Variants in CT55 observed in about 807,000 individuals in gnomAD.
The protein encoded by CT55 is cancer/testis antigen 55.
Under a neutral mutation model 12.6 loss-of-function variants are expected in CT55, and 1 was observed. The observed-to-expected ratio is 0.08, with a 90% CI of 0.03 to 0.38. CT55 has a LOEUF of 0.38. CT55 is among the 10% of genes least tolerant of loss of function. The pLI, the probability that CT55 is intolerant of heterozygous loss-of-function variation, is 0.99. For missense variants in CT55, 109 were observed against 135.4 expected (o/e 0.80, Z 0.97); for synonymous variants, 43 against 49.7 (o/e 0.87, Z 0.57).
In CT55 at chrX:135,158,310, A is replaced by G; in HGVS notation, c.426T>C (p.Asp142=). Residue 142 remains aspartate, a splice_region_variant and synonymous_variant, in exon 4 of 6, where the codon GAT becomes GAC. Coordinates refer to ENST00000276241, the MANE Select transcript of CT55 (RefSeq NM_001031705.3). Reference sequence around the variant, plus strand: ...ACAAGTCACCCTTATAAGGCACAAAATCTAAAACAGCCATGGAGAAATGTG... The same window carrying G: ...ACAAGTCACCCTTATAAGGCACAAAGTCTAAAACAGCCATGGAGAAATGTG... ...IYFSIAIVSE[D]FVPYKGDLLE... The G allele has an allele frequency of 8.8e-7, 1 of 1,135,493 alleles. No individual in the cohort carries two copies. The highest frequency in any genetic ancestry group is 3.0e-5 in the East Asian group (1 of 33,552). 93.6% of individuals were successfully genotyped at this position (1,135,493 alleles called of 1,213,427 possible). A position where few individuals can be genotyped will look rare whatever the true frequency, so the allele number is the denominator to read the frequency against.
At chrX:135,170,611 G>C (rs782420012) in intron 1 of CT55, among the ~76,000 whole-genome samples, 54 of 110,055 alleles carry the variant, frequency 4.9e-4, no homozygotes, top group Non-Finnish European at 8.5e-4. Flanking sequence ...CACAAGCCTA[G>C]CTGATCAGCA....
intron 1 of CT55, among the ~76,000 whole-genome samples, chrX:135,170,398 C>T (rs1433095167): frequency 8.9e-6 from 1 of 112,203 alleles, no homozygotes; most frequent in African/African-American, 3.2e-5. Flanking sequence ...AGCATTTCTA[C>T]ATATGAGTCT....
intron 2 of CT55, among the ~76,000 whole-genome samples, chrX:135,167,023 C>A (rs1169224111): frequency 8.9e-6 from 1 of 111,880 alleles, no homozygotes. Context: ...TGTCCGTAAC[C>A]TAAAGCAATC....
chrX:135,160,277 T>G (rs1460112926), intron 3 of CT55, 134 bp downstream of exon 3: 3 of 621,672 alleles, frequency 4.8e-6, no homozygotes, highest in Admixed American at 1.0e-4. Context: ...GTACTTAATT[T>G]CGATTGGAAC....
chrX:135,164,669 A>T (rs1936666702), intron 2 of CT55, among the ~76,000 whole-genome samples: 1 of 112,031 alleles, frequency 8.9e-6, no homozygotes, highest in Non-Finnish European at 1.9e-5. Context: ...AACAAAAACA[A>T]TCAAACCTAT....
Position 135,171,349 on chromosome X carries a change from CA to C in CT55, c.-179del. The C allele has an allele frequency of 3.3e-6, 3 of 905,657 alleles. No individual in the cohort carries two copies. Among genetic ancestry groups the C allele is most frequent in the Non-Finnish European group, 4.4e-6 (3 of 683,087 alleles). The allele number at this position is 905,657 out of a possible 1,213,427, so 74.6% of individuals were successfully genotyped here. A position where few individuals can be genotyped will look rare whatever the true frequency, so the allele number is the denominator to read the frequency against. Reference sequence around the variant, plus strand: ...GAGCCCCCCTCAGGAGAGTCAGGGACACCGCAGCCTCCAAAGGAGCTCCCAG... The same window carrying C: ...GAGCCCCCCTCAGGAGAGTCAGGGACCCGCAGCCTCCAAAGGAGCTCCCAG... On this transcript the variant is annotated 5_prime_UTR_variant, in exon 1 of 6. Transcript: ENST00000276241.
At chrX:135,163,084 A>C (rs1268607855) in intron 2 of CT55, among the ~76,000 whole-genome samples, 1 of 111,964 alleles carries the variant, frequency 8.9e-6, no homozygotes, top group Non-Finnish European at 1.9e-5. Flanking sequence ...TTACTGCTAA[A>C]GGATGTCCCC....
In CT55 at chrX:135,160,666, C is replaced by G. The variant is rs1464429063; in HGVS notation, c.280-111G>C. Reference sequence around the variant, plus strand: ...ATATTTTCAACAGCCATCCTAAACACTGGAGAATATAGTTCACTTGGTAAG... The same window carrying G: ...ATATTTTCAACAGCCATCCTAAACAGTGGAGAATATAGTTCACTTGGTAAG... On this transcript the variant is annotated intron_variant, in intron 2 of 5. Transcript: ENST00000276241. 3.5e-6 allele frequency: 3 copies of G among 865,092 alleles called. No homozygotes were observed. The African/African-American group carries it at 6.2e-5, about 18-fold the overall frequency. The allele number at this position is 865,092 out of a possible 1,213,427, so 71.3% of individuals were successfully genotyped here. A position where few individuals can be genotyped will look rare whatever the true frequency, so the allele number is the denominator to read the frequency against.
chrX:135,160,668 G>A, intron 2 of CT55, 113 bp from the exon 3 acceptor site: 1 of 833,805 alleles, frequency 1.2e-6, no homozygotes, highest in Non-Finnish European at 1.6e-6. Context: ...CCTAAACACT[G>A]GAGAATATAG....
intron 3 of CT55, among the ~76,000 whole-genome samples, chrX:135,159,655 C>T (rs1556404790): frequency 9.0e-6 from 1 of 111,407 alleles, no homozygotes; most frequent in African/African-American, 3.3e-5. Flanking sequence ...ACAACGTTTT[C>T]CTGACTGATT....
At chrX:135,166,131 T>G (rs2083584137) in intron 2 of CT55, among the ~76,000 whole-genome samples, 2 of 97,083 alleles carry the variant, frequency 2.1e-5, no homozygotes. Context: ...AAAACCCAGA[T>G]GAGGAAACAG....
rs1321801927 is a variant in CT55 at position 135,171,376 on chromosome X, C to T, written c.-205G>A. ...CCGCAGCCTCCAAAGGAGCTCCCAGCTTCTCCGCTGACTTCTCCCTCTGAG... is the reference window on the plus strand; with the variant it reads ...CCGCAGCCTCCAAAGGAGCTCCCAGTTTCTCCGCTGACTTCTCCCTCTGAG... On this transcript the variant is annotated 5_prime_UTR_variant, in exon 1 of 6. Coordinates refer to ENST00000276241, the MANE Select transcript of CT55 (RefSeq NM_001031705.3). 5.5e-6 allele frequency: 4 copies of T among 722,213 alleles called. No individual in the cohort carries two copies. The highest frequency in any genetic ancestry group is 7.6e-6 in the Non-Finnish European group (4 of 524,813). The allele number at this position is 722,213 out of a possible 1,213,427, so 59.5% of individuals were successfully genotyped here. A position where few individuals can be genotyped will look rare whatever the true frequency, so the allele number is the denominator to read the frequency against.
chrX:135,159,209 C>T (rs2083551163), intron 3 of CT55, among the ~76,000 whole-genome samples: 1 of 31,612 alleles, frequency 3.2e-5, no homozygotes, highest in South Asian at 6.2e-4. Flanking sequence ...TAGACCTGTT[C>T]TCTCTCTCTC....
At chrX:135,170,916 A>T (rs2083608123) in intron 1 of CT55, among the ~76,000 whole-genome samples, 162 bp downstream of exon 1, 1 of 111,596 alleles carries the variant, frequency 9.0e-6, no homozygotes, top group Admixed American at 9.5e-5. Flanking sequence ...GGAATTGTTG[A>T]GGACTCGGGT....
chrX:135,159,388 G>T (rs2083552477), intron 3 of CT55, among the ~76,000 whole-genome samples: 1 of 111,471 alleles, frequency 9.0e-6, no homozygotes, highest in Non-Finnish European at 1.9e-5. Flanking sequence ...AAGCTGAGTT[G>T]TTGGTATTCT....
chrX:135,168,044 T>C (rs1196857396), intron 2 of CT55, among the ~76,000 whole-genome samples: 2 of 111,859 alleles, frequency 1.8e-5, no homozygotes, highest in African/African-American at 6.5e-5. Context: ...CATTCCCCAA[T>C]ATTTTAACAA....
At chrX:135,163,663 A>G (rs2083571549) in intron 2 of CT55, among the ~76,000 whole-genome samples, 1 of 112,002 alleles carries the variant, frequency 8.9e-6, no homozygotes, top group Non-Finnish European at 1.9e-5. Context: ...ATGGAGAGCC[A>G]TCCAAACCCA....
At chrX:135,171,805 G>C (rs1444186841), upstream of CT55, among the ~76,000 whole-genome samples, 1 of 111,928 alleles carries the variant, frequency 8.9e-6, no homozygotes, top group Non-Finnish European at 1.9e-5. Flanking sequence ...TGGCAAGTAC[G>C]TGTCTTGTGT....
chrX:135,163,881 T>C (rs1490160594), intron 2 of CT55, among the ~76,000 whole-genome samples: 1 of 110,947 alleles, frequency 9.0e-6, no homozygotes, highest in Non-Finnish European at 1.9e-5. Flanking sequence ...AGAAGCATAA[T>C]AGGCCAGGAG....
Sources: allele counts gnomAD v4.1 joint callset (sites outside exome capture counted in the v4.1 genomes callset), GRCh38; gene constraint gnomAD v4.1.1; transcripts MANE v1.5; gene names NCBI Gene and HGNC (gene_info 2026-07-23, HGNC 2026-07-21).